Variants in WDFY4 observed in about 807,000 individuals in gnomAD.
WDFY4 encodes the protein WDFY family member 4, also known as WD repeat- and FYVE domain-containing protein 4.
WDFY4 carries 169 observed loss-of-function variants against 351.9 expected under a neutral mutation model. The ratio of observed to expected loss-of-function variants is 0.48; its 90% CI spans 0.42 to 0.55. The LOEUF is 0.55. WDFY4 is among the 20% of genes least tolerant of loss of function. WDFY4 has a pLI of 0.00. For synonymous variants in WDFY4, 1,622 were observed against 1,574.6 expected (o/e 1.03, Z -0.71); for missense variants, 3,803 against 3,935.6 (o/e 0.97, Z 0.90).
chr10:48,771,681 G>A (rs2065870332), intron 13 of WDFY4, among the ~76,000 whole-genome samples: 1 of 152,202 alleles, frequency 6.6e-6, no homozygotes. Context: ...TAAATTCTCT[G>A]CTGGAGCACG....
At chr10:48,779,608 C>T (rs540546312) in intron 18 of WDFY4, among the ~76,000 whole-genome samples, 35 of 152,302 alleles carry the variant, frequency 2.3e-4, no homozygotes, top group Non-Finnish European at 4.1e-4. Context: ...AGCCTGGCTT[C>T]TGGGTTTGAA....
intron 19 of WDFY4, among the ~76,000 whole-genome samples, 177 bp from the exon 20 acceptor site, chr10:48,786,462 T>C (rs977453021): frequency 6.6e-6 from 1 of 152,326 alleles, no homozygotes; most frequent in South Asian, 2.1e-4. Context: ...TTACTCCACA[T>C]TTAATAACTT....
chr10:48,706,354 C>T (rs1385195894), intron 1 of WDFY4, among the ~76,000 whole-genome samples: 1 of 152,144 alleles, frequency 6.6e-6, no homozygotes, highest in Non-Finnish European at 1.5e-5. Context: ...GCTGAGACCT[C>T]CTTACAAAGA....
intron 11 of WDFY4, among the ~76,000 whole-genome samples, chr10:48,739,377 T>G (rs573712178): frequency 1.3e-5 from 2 of 152,316 alleles, no homozygotes; most frequent in East Asian, 3.9e-4. Flanking sequence ...CCTGATTACT[T>G]TGACTTCAGC....
At chr10:48,708,423 T>A (rs749957285) in intron 1 of WDFY4, among the ~76,000 whole-genome samples, 1 of 152,218 alleles carries the variant, frequency 6.6e-6, no homozygotes, top group African/African-American at 2.4e-5. Flanking sequence ...CACTTCTCTA[T>A]GTCCCTCTGG....
intron 49 of WDFY4, among the ~76,000 whole-genome samples, chr10:48,944,078 C>T (rs1243008642): frequency 6.6e-6 from 1 of 152,212 alleles, no homozygotes; most frequent in East Asian, 1.9e-4. Context: ...CATGGGTCAG[C>T]CCTTGTGGGG....
chr10:48,700,509 T>G (rs1025603872), intron 1 of WDFY4, among the ~76,000 whole-genome samples: 1 of 152,272 alleles, frequency 6.6e-6, no homozygotes, highest in African/African-American at 2.4e-5. Context: ...AACACAGAGC[T>G]TCTGTAATTG....
chr10:48,884,721 C>T (rs1225313087), intron 43 of WDFY4, among the ~76,000 whole-genome samples: 1 of 151,146 alleles, frequency 6.6e-6, no homozygotes, highest in African/African-American at 2.5e-5. Context: ...AATGCTCCTC[C>T]CCTGTTTTTT....
intron 40 of WDFY4, among the ~76,000 whole-genome samples, chr10:48,871,472 CCT>C (rs1491197925): frequency 4.6e-5 from 7 of 151,328 alleles, no homozygotes; most frequent in Admixed American, 6.6e-5. Flanking sequence ...GTGGCCCCCC[CCT>C]TTTTTTTTTT....
intron 51 of WDFY4, among the ~76,000 whole-genome samples, chr10:48,956,746 G>T: frequency 6.6e-6 from 1 of 152,272 alleles, no homozygotes; most frequent in East Asian, 1.9e-4. Context: ...CTCAGGAGCC[G>T]AGTCCCAGTC....
chr10:48,845,365 C>A (rs761509188), intron 39 of WDFY4, among the ~76,000 whole-genome samples: 1 of 152,204 alleles, frequency 6.6e-6, no homozygotes, highest in Non-Finnish European at 1.5e-5. Context: ...TGTTCCAGGC[C>A]CTTGGGTTAA....
intron 39 of WDFY4, among the ~76,000 whole-genome samples, chr10:48,836,537 G>A (rs2068400405): frequency 6.6e-6 from 1 of 152,182 alleles, no homozygotes; most frequent in African/African-American, 2.4e-5. Context: ...CTATAGCACT[G>A]ATAAATTGTT....
chr10:48,871,542 C>G (rs997265101), intron 40 of WDFY4, among the ~76,000 whole-genome samples: 2 of 148,778 alleles, frequency 1.3e-5, no homozygotes, highest in Admixed American at 6.7e-5. Context: ...TCATGTAAAT[C>G]ATAGCCCACA....
chr10:48,950,614 G>A (rs1589978131), intron 51 of WDFY4, among the ~76,000 whole-genome samples: 1 of 152,112 alleles, frequency 6.6e-6, no homozygotes, highest in African/African-American at 2.4e-5. Flanking sequence ...TCTAGCCCTG[G>A]GGACACCAAG....
intron 56 of WDFY4, among the ~76,000 whole-genome samples, 186 bp downstream of exon 56, chr10:48,969,434 A>C (rs1842238006): frequency 6.6e-6 from 1 of 152,158 alleles, no homozygotes. Context: ...CCGGGCCTCA[A>C]ACCCTCCTTC....
chr10:48,796,984 T>C (rs2066897210), intron 24 of WDFY4, among the ~76,000 whole-genome samples: 1 of 152,136 alleles, frequency 6.6e-6, no homozygotes, highest in Non-Finnish European at 1.5e-5. Context: ...GGCCATGTCC[T>C]GGAGACACAG....
In WDFY4 at chr10:48,974,527, A is replaced by AAAAAAAAAAAAACAAACAAAACAAC; in HGVS notation, c.8929-333_8929-332insAAAAAAAAAACAAACAAAACAACAA. On this transcript the variant is annotated intron_variant, in intron 57 of 61. Coordinates refer to ENST00000325239, the MANE Select transcript of WDFY4 (RefSeq NM_001394531.1). ...CAAAAAAAAAAAAAAAAAAAAAAAA[A>AAAAAAAAAAAAACAAACAAAACAAC]AACAACTCATGACATGAACTGCTCC... Among the ~76,000 whole-genome samples, 120 of 23,184 alleles carry AAAAAAAAAAAAACAAACAAAACAAC rather than the reference A, an allele frequency of 5.2e-3. 28 individuals are homozygous for AAAAAAAAAAAAACAAACAAAACAAC. Among genetic ancestry groups the AAAAAAAAAAAAACAAACAAAACAAC allele is most frequent in the Non-Finnish European group, 0.019 (102 of 5,340 alleles). The allele number at this position is 23,184 out of a possible 152,430, so 15.2% of individuals were successfully genotyped here.
chr10:48,950,968 G>C (rs1008107506), intron 51 of WDFY4, among the ~76,000 whole-genome samples: 1 of 152,250 alleles, frequency 6.6e-6, no homozygotes, highest in Non-Finnish European at 1.5e-5. Flanking sequence ...AGTGCGGTCT[G>C]CTGGGTTGCA....
At chr10:48,705,894 G>A (rs7896204) in intron 1 of WDFY4, among the ~76,000 whole-genome samples, 96,872 of 152,056 alleles carry the variant, frequency 0.64, 31,579 homozygotes, top group East Asian at 0.91. Flanking sequence ...GGGCATGTTA[G>A]CATGTCCTCA....
Sources: gnomAD v4.1 joint callset for allele counts (sites outside exome capture counted in the v4.1 genomes callset) on GRCh38, gnomAD v4.1.1 for gene constraint, MANE v1.5 for transcripts, NCBI Gene and HGNC (gene_info 2026-07-23, HGNC 2026-07-21) for gene names.